The following C4orf50 variants were observed in gnomAD, a reference collection of about 807,000 sequenced individuals.
C4orf50 encodes uncharacterized protein C4orf50.
A neutral mutation model predicts 77.2 loss-of-function variants in C4orf50; 80 were observed. The ratio of observed to expected loss-of-function variants is 1.04; its 90% CI spans 0.87 to 1.25. The LOEUF (loss-of-function observed/expected upper bound fraction) is 1.25, where lower values mean the gene tolerates loss of function less well. C4orf50 is among the 50% of genes most tolerant of loss of function. C4orf50 has a pLI of 0.00. For synonymous variants in C4orf50, 532 were observed against 465.3 expected (o/e 1.14, Z -1.84); for missense variants, 1,257 against 1,152.9 (o/e 1.09, Z -1.31).
chr4:5,982,529 G>C (rs891477681), intron 28 of C4orf50, among the ~76,000 whole-genome samples: 5 of 152,336 alleles, frequency 3.3e-5, no homozygotes, highest in African/African-American at 1.2e-4. Context: ...CCAGGAGGCT[G>C]TGATGACCTG....
intron 7 of C4orf50, among the ~76,000 whole-genome samples, chr4:5,925,302 G>A (rs995572202): frequency 3.9e-5 from 6 of 152,070 alleles, no homozygotes; most frequent in Non-Finnish European, 7.4e-5. Flanking sequence ...AGTGGGGAGG[G>A]CTGTTGGGGG....
At chr4:5,985,546 T>C (rs1720811279) in intron 28 of C4orf50, among the ~76,000 whole-genome samples, 1 of 149,640 alleles carries the variant, frequency 6.7e-6, no homozygotes, top group African/African-American at 2.5e-5. Flanking sequence ...AAAAGAATAA[T>C]ACTAAAACAT....
chr4:5,991,516 A>G (rs1329842653), intron 27 of C4orf50, among the ~76,000 whole-genome samples: 3 of 152,034 alleles, frequency 2.0e-5, no homozygotes, highest in East Asian at 1.9e-4. Flanking sequence ...TTTTATCTTC[A>G]CTTATGTGAT....
At chr4:5,949,074 A>G (rs968301689) in intron 7 of C4orf50, among the ~76,000 whole-genome samples, 2 of 152,154 alleles carry the variant, frequency 1.3e-5, no homozygotes, top group African/African-American at 4.8e-5. Context: ...GAATCTGGAT[A>G]AAATCAAAGC....
exon 28 of C4orf50, chr4:5,990,079 C>G (rs775157109): frequency 3.0e-6 from 4 of 1,333,090 alleles, no homozygotes; most frequent in Non-Finnish European, 3.8e-6. Flanking sequence ...CAGTCCTCCT[C>G]GGAGACCCCA....
At chr4:5,973,709 C>T (rs372723388) in exon 31 of C4orf50, 19 of 1,613,988 alleles carry the variant, frequency 1.2e-5, no homozygotes, top group Admixed American at 5.0e-5. Context: ...GCCAGTGCCA[C>T]GTCGTTGAGC....
At chr4:6,003,034 G>A (rs1302377609) in intron 25 of C4orf50, among the ~76,000 whole-genome samples, 2 of 152,256 alleles carry the variant, frequency 1.3e-5, no homozygotes, top group East Asian at 1.9e-4. Context: ...CAGACAGGGG[G>A]CTTCACCCAC....
chr4:5,983,054 G>A (rs925647774), intron 28 of C4orf50, among the ~76,000 whole-genome samples: 1 of 152,122 alleles, frequency 6.6e-6, no homozygotes, highest in Non-Finnish European at 1.5e-5. Context: ...AATACATCAG[G>A]TGTTGGTGAC....
intron 30 of C4orf50, among the ~76,000 whole-genome samples, chr4:5,974,116 C>G (rs1264660821): frequency 1.3e-5 from 2 of 152,212 alleles, no homozygotes; most frequent in Non-Finnish European, 1.5e-5. Flanking sequence ...GATTTGGGCC[C>G]CACCACGGAC....
rs1719085252 is a variant in C4orf50, at chr4:5,958,349, C to G, written c.*1026G>C. 1 of 152,222 alleles carries G rather than the reference C, an allele frequency of 6.6e-6. No individual in the cohort carries two copies. 9.4% of individuals were successfully genotyped at this position (152,222 alleles called of 1,614,324 possible). A position where few individuals can be genotyped will look rare whatever the true frequency, so the allele number is the denominator to read the frequency against. On this transcript the variant is annotated 3_prime_UTR_variant, in exon 34 of 34. Coordinates refer to ENST00000531445, the Ensembl canonical transcript of C4orf50. The surrounding 1 kb of genome is among the most constrained non-coding windows in gnomAD (Gnocchi z 5.4). ...CAGTGACTGCTTGCAGCTGGCTTGA[C>G]AAGAGCATGCTTTGCCCACTTCCCC...
At chr4:5,944,924 C>T (rs1385708085) in intron 7 of C4orf50, among the ~76,000 whole-genome samples, 1 of 152,164 alleles carries the variant, frequency 6.6e-6, no homozygotes, top group Non-Finnish European at 1.5e-5. Context: ...TTGACTTAGT[C>T]CTTACCAAAG....
At chr4:5,912,472 G>GCC in intron 7 of C4orf50, among the ~76,000 whole-genome samples, 1 of 152,188 alleles carries the variant, frequency 6.6e-6, no homozygotes, top group East Asian at 1.9e-4. Context: ...AGCATTTTCA[G>GCC]CAGTGTTTCT....
At chr4:5,963,944 A>G (rs1304807206) in intron 33 of C4orf50, among the ~76,000 whole-genome samples, 1 of 152,210 alleles carries the variant, frequency 6.6e-6, no homozygotes, top group Non-Finnish European at 1.5e-5. Context: ...CTCTGGGAAG[A>G]CAGAGGGGAG....
chr4:5,949,346 A>G (rs1050918288), intron 7 of C4orf50, among the ~76,000 whole-genome samples: 1 of 152,252 alleles, frequency 6.6e-6, no homozygotes, highest in Non-Finnish European at 1.5e-5. Flanking sequence ...AGACAAGGGA[A>G]GATTATTCAC....
chr4:5,968,154 T>C (rs1011866720), intron 31 of C4orf50, among the ~76,000 whole-genome samples: 6 of 152,236 alleles, frequency 3.9e-5, no homozygotes, highest in African/African-American at 1.2e-4. Flanking sequence ...CCTCCAGGTA[T>C]AGGAGGCCAT....
At chr4:6,001,439 T>A (rs1721826371) in intron 25 of C4orf50, among the ~76,000 whole-genome samples, 2 of 152,242 alleles carry the variant, frequency 1.3e-5, no homozygotes, top group African/African-American at 4.8e-5. Flanking sequence ...TTCAGCGGGT[T>A]CCTGCAATCA....
At chr4:6,005,982 C>T (rs544647706) in intron 25 of C4orf50, among the ~76,000 whole-genome samples, 20 of 152,158 alleles carry the variant, frequency 1.3e-4, no homozygotes, top group African/African-American at 4.6e-4. Context: ...AGGAAAATTA[C>T]AGAGAGAATT....
intron 33 of C4orf50, among the ~76,000 whole-genome samples, chr4:5,960,382 G>T (rs1719206537): frequency 6.6e-6 from 1 of 152,188 alleles, no homozygotes; most frequent in East Asian, 1.9e-4. Flanking sequence ...CCTCTAAAGG[G>T]TGTGGCAGGT....
chr4:5,969,108 A>C (rs1361532072), intron 31 of C4orf50, among the ~76,000 whole-genome samples: 2 of 152,198 alleles, frequency 1.3e-5, no homozygotes, highest in African/African-American at 4.8e-5. Context: ...GGGATCCACC[A>C]GAATGAGATG....
Sources: gnomAD v4.1 joint callset for allele counts (sites outside exome capture counted in the v4.1 genomes callset) on GRCh38, gnomAD v4.1.1 for gene constraint, Gnocchi (gnomAD v3.1) non-coding constraint, MANE v1.5 for transcripts, NCBI Gene and HGNC (gene_info 2026-07-23, HGNC 2026-07-21) for gene names.